Variants in EIF4G3 observed in about 807,000 individuals in gnomAD.
The protein encoded by EIF4G3 is eIF-4-gamma 3.
In EIF4G3, 34 loss-of-function variants were observed where a neutral mutation model predicts 186.4. The observed-to-expected ratio is 0.18, with a 90% CI of 0.14 to 0.24. The LOEUF (loss-of-function observed/expected upper bound fraction) is 0.24, where lower values mean the gene tolerates loss of function less well. EIF4G3 is among the 10% of genes least tolerant of loss of function. The pLI, the probability that EIF4G3 is intolerant of heterozygous loss-of-function variation, is 1.00. For missense variants in EIF4G3, 1,536 were observed against 1,948.5 expected (o/e 0.79, Z 3.99); for synonymous variants, 673 against 679.5 (o/e 0.99, Z 0.15).
chr1:20,833,934 G>C (rs1418630842), intron 30 of EIF4G3, among the ~76,000 whole-genome samples: 1 of 152,156 alleles, frequency 6.6e-6, no homozygotes, highest in Non-Finnish European at 1.5e-5. Flanking sequence ...TCAACATAGT[G>C]TTGGAAGAAA....
chr1:20,821,534 T>G (rs774575633), intron 33 of EIF4G3, among the ~76,000 whole-genome samples: 9 of 152,156 alleles, frequency 5.9e-5, no homozygotes, highest in Non-Finnish European at 1.0e-4. Context: ...GATTGAATCC[T>G]GGAACCTCAC....
intron 19 of EIF4G3, among the ~76,000 whole-genome samples, chr1:20,880,134 T>C (rs947345023): frequency 6.6e-6 from 1 of 151,964 alleles, no homozygotes; most frequent in Non-Finnish European, 1.5e-5. Flanking sequence ...TTGAGAATAA[T>C]GCAAAAAATG....
At position 20,810,710 on chromosome 1, in the gene EIF4G3, G is replaced by T; in HGVS notation, c.4744+28C>A. The T allele has an allele frequency of 6.2e-7, 1 of 1,608,264 alleles. No individual in the cohort carries two copies. The highest frequency in any genetic ancestry group is 8.5e-7 in the Non-Finnish European group (1 of 1,175,112). Reference sequence around the variant, plus strand: ...TTGGATAAATCTCACTCATTGGTTAGATTAACTGTAACATGAGATAAACTT... The same window carrying T: ...TTGGATAAATCTCACTCATTGGTTATATTAACTGTAACATGAGATAAACTT... On this transcript the variant is annotated intron_variant, in intron 36 of 36. Transcript: ENST00000602326. This position sits in a 1 kb window ranked among gnomAD's most constrained non-coding sequence, Gnocchi z 4.1.
Position 20,807,292 on chromosome 1 carries a change from T to C in EIF4G3, c.*27A>G, listed in dbSNP as rs1413299529. 2 of 1,545,698 alleles carry C rather than the reference T, an allele frequency of 1.3e-6. No individual in the cohort carries two copies. Among genetic ancestry groups the C allele is most frequent in the East Asian group, 4.6e-5 (2 of 43,400 alleles). ...TTAAAAAAATACTTAAATTGTTTCT[T>C]TTGTTTCATTTTGTGTATTTGAAGT... On this transcript the variant is annotated 3_prime_UTR_variant, in exon 37 of 37. Transcript: ENST00000602326.
chr1:20,817,346 A>C (rs767676464), intron 34 of EIF4G3, 46 bp downstream of exon 34: 15 of 1,354,288 alleles, frequency 1.1e-5, no homozygotes, highest in Non-Finnish European at 1.3e-5. Context: ...ATCCCACAAG[A>C]ATCTTTCCTG....
intron 19 of EIF4G3, among the ~76,000 whole-genome samples, chr1:20,882,214 C>A (rs9660908): frequency 0.029 from 1,767 of 60,236 alleles, 29 homozygotes; most frequent in Middle Eastern, 0.083. Context: ...CACACACACA[C>A]AAAATCATTT....
chr1:20,849,046 C>CAAAA lies in EIF4G3; in HGVS notation c.3888+365_3888+368dup, dbSNP rs60344352. 6.7e-3 allele frequency among the ~76,000 whole-genome samples: 117 copies of CAAAA among 17,396 alleles called. 17 individuals are homozygous for CAAAA. Among genetic ancestry groups the CAAAA allele is most frequent in the African/African-American group, 0.017 (110 of 6,290 alleles). The allele number at this position is 17,396 out of a possible 152,430, so 11.4% of individuals were successfully genotyped here. On this transcript the variant is annotated intron_variant, in intron 29 of 36. Transcript: ENST00000602326. ...TGGGCAACACAGCAAGACTCTGTCT[C>CAAAA]AAAAAAAAAAAAAAAAAAAAAAAAA...
chr1:20,960,237 T>G (rs938963890), intron 12 of EIF4G3, among the ~76,000 whole-genome samples: 8 of 151,746 alleles, frequency 5.3e-5, no homozygotes, highest in African/African-American at 1.9e-4. Context: ...GAGGCTGAGG[T>G]GGGCAGATCA....
chr1:20,863,790 GT>G, intron 22 of EIF4G3, among the ~76,000 whole-genome samples: 1 of 150,140 alleles, frequency 6.7e-6, no homozygotes, highest in South Asian at 2.1e-4. Flanking sequence ...AGAGGTGGCT[GT>G]GTCTTTTGCC....
intron 3 of EIF4G3, among the ~76,000 whole-genome samples, chr1:21,058,834 G>A (rs2094724129): frequency 6.9e-6 from 1 of 144,052 alleles, no homozygotes; most frequent in Non-Finnish European, 1.5e-5. Flanking sequence ...TTCCCAAAGT[G>A]CCAGGATTAT....
chr1:21,115,451 G>A (rs1034472226), intron 2 of EIF4G3, among the ~76,000 whole-genome samples: 1 of 152,202 alleles, frequency 6.6e-6, no homozygotes, highest in African/African-American at 2.4e-5. Flanking sequence ...AAAGAGACAT[G>A]AAGTGAGCAC....
chr1:20,821,878 A>G (rs2062462074), intron 33 of EIF4G3, among the ~76,000 whole-genome samples: 1 of 151,610 alleles, frequency 6.6e-6, no homozygotes, highest in African/African-American at 2.4e-5. Flanking sequence ...CTACATTATT[A>G]TTATTATTAT....
At chr1:20,965,255 A>G (rs990675309) in intron 12 of EIF4G3, among the ~76,000 whole-genome samples, 1 of 152,172 alleles carries the variant, frequency 6.6e-6, no homozygotes, top group Non-Finnish European at 1.5e-5. Context: ...CAAACTCATT[A>G]TATCCCGCTC....
At chr1:20,962,915 T>TG (rs1173491361) in intron 12 of EIF4G3, among the ~76,000 whole-genome samples, 4,495 of 151,280 alleles carry the variant, frequency 0.03, 222 homozygotes, top group African/African-American at 0.1. Flanking sequence ...TTTGTTTTTT[T>TG]TTTGTTTTTT....
intron 34 of EIF4G3, among the ~76,000 whole-genome samples, chr1:20,814,195 T>C (rs907683756): frequency 6.6e-6 from 1 of 152,056 alleles, no homozygotes; most frequent in Non-Finnish European, 1.5e-5. Context: ...TCTCAAACTC[T>C]GACCTCGTGA....
At chr1:20,815,656 G>T (rs1468615725) in intron 34 of EIF4G3, among the ~76,000 whole-genome samples, 1 of 148,092 alleles carries the variant, frequency 6.8e-6, no homozygotes, top group South Asian at 2.2e-4. Context: ...AGGTGGGGGG[G>T]GGTCAGCCCC....
chr1:21,020,512 G>A (rs537257218), intron 4 of EIF4G3, among the ~76,000 whole-genome samples: 9 of 151,760 alleles, frequency 5.9e-5, no homozygotes, highest in South Asian at 2.1e-4. Flanking sequence ...ATAAATAAAT[G>A]AATAAATAAA....
chr1:21,106,896 C>T (rs184018973), intron 2 of EIF4G3, among the ~76,000 whole-genome samples: 4 of 152,180 alleles, frequency 2.6e-5, no homozygotes, highest in Non-Finnish European at 5.9e-5. Context: ...ACTCTTCACA[C>T]TTTACACTCT....
At chr1:21,172,712 C>T (rs1192806719) in intron 2 of EIF4G3, among the ~76,000 whole-genome samples, 5 of 151,870 alleles carry the variant, frequency 3.3e-5, no homozygotes, top group African/African-American at 7.3e-5. Context: ...CCACGCCTGG[C>T]TAATTTTATG....
Sources: gnomAD v4.1 joint callset for allele counts (sites outside exome capture counted in the v4.1 genomes callset) on GRCh38, gnomAD v4.1.1 for gene constraint, Gnocchi (gnomAD v3.1) non-coding constraint, MANE v1.5 for transcripts, NCBI Gene and HGNC (gene_info 2026-07-23, HGNC 2026-07-21) for gene names.